The following UMAD1 variants were observed in gnomAD, a reference collection of about 807,000 sequenced individuals.
UMAD1 encodes the protein UBAP1-MVB12-associated (UMA)-domain containing protein 1.
A neutral mutation model predicts 6.1 loss-of-function variants in UMAD1; 8 were observed. The observed-to-expected ratio is 1.30, with a 90% CI of 0.76 to 2.35. The LOEUF (loss-of-function observed/expected upper bound fraction) is 2.35. UMAD1 is among the 30% of genes most tolerant of loss of function. The pLI, the probability that UMAD1 is intolerant of heterozygous loss-of-function variation, is 0.00. For missense variants in UMAD1, 130 were observed against 78.4 expected, an observed-to-expected ratio of 1.66 and a Z score of -2.49; for synonymous variants, 56 against 31.4, an observed-to-expected ratio of 1.78 and a Z score of -2.61.
chr7:7,676,196 C>T lies in UMAD1; in HGVS notation c.82+2743C>T, dbSNP rs556666299. 181 of 398,632 alleles carry T rather than the reference C, an allele frequency of 4.5e-4. 1 individual carries two copies. The South Asian group carries it at 8.4e-3, about 18-fold the overall frequency. 24.7% of individuals were successfully genotyped at this position (398,632 alleles called of 1,614,324 possible). The stretch of plus-strand genomic sequence containing the variant: ...GCTTCGTGGCTCCACGACTTACTCT[C>T]TACCCTTGGCAGGTTAGTTACCCTT... On this transcript the variant is annotated intron_variant, in intron 2 of 3. Transcript: ENST00000682710.
At chr7:7,868,577 AT>A (rs1784278306) in intron 3 of UMAD1, 1 of 133,702 alleles carries the variant, frequency 7.5e-6, no homozygotes, top group Non-Finnish European at 1.5e-5. Flanking sequence ...AATGGAAAAA[AT>A]ACTGAAAAAA....
chr7:7,833,212 G>A lies in UMAD1; in HGVS notation c.156+31469G>A, dbSNP rs116067030. Among the ~76,000 whole-genome samples, 471 of 152,204 alleles carry A rather than the reference G, an allele frequency of 3.1e-3. 2 individuals carry two copies. Among genetic ancestry groups the A allele is most frequent in the African/African-American group, 0.011 (448 of 41,530 alleles). ...AGAGCTGGGCTGTGAAATCGGGCAGGCCTCACCATGCCAGATGAACTGCAG... is the reference window on the plus strand; with the variant it reads ...AGAGCTGGGCTGTGAAATCGGGCAGACCTCACCATGCCAGATGAACTGCAG... On this transcript the variant is annotated intron_variant, in intron 3 of 3. Coordinates refer to ENST00000682710, the MANE Select transcript of UMAD1 (RefSeq NM_001302348.2).
At chr7:7,844,329 C>T (rs6970049) in intron 3 of UMAD1, among the ~76,000 whole-genome samples, 109,274 of 151,976 alleles carry the variant, frequency 0.72, 39,686 homozygotes, top group Middle Eastern at 0.81. Flanking sequence ...GCCTCTTTGC[C>T]GCAGACTTAC....
At chr7:7,703,294 C>T (rs1308223275) in intron 2 of UMAD1, among the ~76,000 whole-genome samples, 7 of 152,194 alleles carry the variant, frequency 4.6e-5, no homozygotes, top group African/African-American at 1.4e-4. Context: ...TTATGGAATT[C>T]GTGTGTTCTC....
chr7:7,862,925 G>A (rs1334031607), intron 3 of UMAD1, among the ~76,000 whole-genome samples: 1 of 152,040 alleles, frequency 6.6e-6, no homozygotes, highest in Non-Finnish European at 1.5e-5. Flanking sequence ...GACTCATAAA[G>A]AAAATTATGA....
At chr7:7,700,952 A>G (rs1444038852) in intron 2 of UMAD1, among the ~76,000 whole-genome samples, 5 of 152,160 alleles carry the variant, frequency 3.3e-5, no homozygotes, top group Admixed American at 6.5e-5. Flanking sequence ...TGGAAGACTG[A>G]GGCAAGAGAA....
intron 2 of UMAD1, among the ~76,000 whole-genome samples, chr7:7,701,368 A>C (rs1463807094): frequency 1.3e-5 from 2 of 151,910 alleles, no homozygotes; most frequent in African/African-American, 4.9e-5. Context: ...TTGCTAGAAG[A>C]AAACAAAGCA....
intron 1 of UMAD1, among the ~76,000 whole-genome samples, chr7:7,662,919 T>C (rs1389804446): frequency 5.9e-5 from 9 of 152,238 alleles, no homozygotes; most frequent in Non-Finnish European, 1.3e-4. Flanking sequence ...AACTATGTCC[T>C]TTATAATTTT....
At chr7:7,820,629 C>T (rs1047658895) in intron 3 of UMAD1, among the ~76,000 whole-genome samples, 25 of 152,130 alleles carry the variant, frequency 1.6e-4, no homozygotes, top group Admixed American at 8.5e-4. Context: ...GCATGCGAGA[C>T]TTTAAGCTGT....
chr7:7,786,569 C>CA (rs1301406526), intron 2 of UMAD1, among the ~76,000 whole-genome samples: 1 of 152,160 alleles, frequency 6.6e-6, no homozygotes, highest in African/African-American at 2.4e-5. Context: ...AATTCCCTCC[C>CA]ACCCCCCGTA....
intron 2 of UMAD1, among the ~76,000 whole-genome samples, chr7:7,763,545 C>T (rs1781931649): frequency 6.6e-6 from 1 of 152,120 alleles, no homozygotes; most frequent in South Asian, 2.1e-4. Flanking sequence ...ATTGGAGTAA[C>T]AAAGACGTTT....
At chr7:7,794,460 TA>T (rs934144151) in intron 2 of UMAD1, among the ~76,000 whole-genome samples, 4 of 152,186 alleles carry the variant, frequency 2.6e-5, no homozygotes, top group Non-Finnish European at 4.4e-5. Flanking sequence ...AGTAAGATCC[TA>T]AACCCCCACA....
chr7:7,695,342 AAC>A (rs1464100883), intron 2 of UMAD1, among the ~76,000 whole-genome samples: 3 of 152,232 alleles, frequency 2.0e-5, no homozygotes, highest in Admixed American at 2.0e-4. Flanking sequence ...TTTCATTTGT[AAC>A]ACAGAATGAT....
intron 2 of UMAD1, among the ~76,000 whole-genome samples, chr7:7,782,473 C>G (rs1782365731): frequency 6.6e-6 from 1 of 151,934 alleles, no homozygotes; most frequent in Non-Finnish European, 1.5e-5. Context: ...AGTCGTGTGT[C>G]TACATGCTAT....
chr7:7,685,786 G>A lies in UMAD1; in HGVS notation c.82+12333G>A, dbSNP rs28915968. On this transcript the variant is annotated intron_variant, in intron 2 of 3. Coordinates refer to ENST00000682710, the MANE Select transcript of UMAD1 (RefSeq NM_001302348.2). ...TGATCTGAAAAAGAAAAAAATTTAA[G>A]TGTTTTCTTCCTTCATTATATCATG... is the stretch of plus-strand genomic sequence containing the variant. 3.3e-5 allele frequency: 5 copies of A among 152,284 alleles called. No individual in the cohort carries two copies. In the East Asian group the frequency reaches 7.7e-4, roughly 23 times the overall value. 9.4% of individuals were successfully genotyped at this position (152,284 alleles called of 1,614,324 possible).
chr7:7,752,528 T>C (rs1343916943), intron 2 of UMAD1, among the ~76,000 whole-genome samples: 1 of 152,140 alleles, frequency 6.6e-6, no homozygotes, highest in East Asian at 1.9e-4. Flanking sequence ...AAAAATTTTA[T>C]GAAAGTTTTC....
intron 2 of UMAD1, among the ~76,000 whole-genome samples, chr7:7,787,916 G>A (rs1187165934): frequency 6.6e-6 from 1 of 152,148 alleles, no homozygotes; most frequent in Non-Finnish European, 1.5e-5. Context: ...TATTACCAAA[G>A]TGTATCATCT....
intron 2 of UMAD1, among the ~76,000 whole-genome samples, chr7:7,793,174 A>C (rs1782602979): frequency 6.6e-6 from 1 of 152,192 alleles, no homozygotes; most frequent in South Asian, 2.1e-4. Flanking sequence ...TTAGTGTCTA[A>C]TATGTTTTCC....
At chr7:7,872,809 C>G (rs532975351) in intron 3 of UMAD1, among the ~76,000 whole-genome samples, 1 of 152,274 alleles carries the variant, frequency 6.6e-6, no homozygotes, top group Admixed American at 6.5e-5. Context: ...TAATGAAACT[C>G]TAGAACATTC....
Sources: gnomAD v4.1 joint callset for allele counts (sites outside exome capture counted in the v4.1 genomes callset) on GRCh38, gnomAD v4.1.1 for gene constraint, MANE v1.5 for transcripts, NCBI Gene and HGNC (gene_info 2026-07-23, HGNC 2026-07-21) for gene names.